TRPC6: variants seen among roughly 807,000 people sequenced by gnomAD.
TRPC6 encodes transient receptor potential cation channel subfamily C member 6.
A neutral mutation model predicts 90.7 loss-of-function variants in TRPC6; 55 were observed. The ratio of observed to expected loss-of-function variants is 0.61; its 90% CI spans 0.49 to 0.76. The LOEUF (loss-of-function observed/expected upper bound fraction) is 0.76. TRPC6 is among the 30% of genes least tolerant of loss of function. TRPC6 has a pLI of 0.00. For synonymous variants in TRPC6, 393 were observed against 393.0 expected (o/e 1.00, Z 0.00); for missense variants, 989 against 1,122.7 (o/e 0.88, Z 1.70).
chr11:101,479,096 T>TCC (rs1274949754), intron 5 of TRPC6, among the ~76,000 whole-genome samples: 3 of 152,138 alleles, frequency 2.0e-5, no homozygotes, highest in African/African-American at 7.2e-5. Context: ...AGGGTAAGCT[T>TCC]CCCCAGCCCC....
chr11:101,465,559 T>C (rs1859124043), intron 10 of TRPC6, among the ~76,000 whole-genome samples: 2 of 152,340 alleles, frequency 1.3e-5, no homozygotes, highest in Middle Eastern at 3.4e-3. Flanking sequence ...TCTGATATCC[T>C]TTCTTTGGCT....
intron 10 of TRPC6, among the ~76,000 whole-genome samples, chr11:101,458,373 TC>T (rs2136644558): frequency 6.6e-6 from 1 of 152,282 alleles, no homozygotes; most frequent in Admixed American, 6.5e-5. Context: ...CATTATAACC[TC>T]CTAAGCTCTA....
Position 101,583,745 on chromosome 11 carries a change from C to A in TRPC6, c.-242G>T. The stretch of plus-strand genomic sequence containing the variant: ...GGATCTTGACCTGAGCAGGTCAGGC[C>A]GAGGAGACCCCGCGAGGATGCGTCT... On this transcript the variant is annotated 5_prime_UTR_variant, in exon 1 of 13. Transcript: ENST00000344327. 1 of 412,952 alleles carries A rather than the reference C, an allele frequency of 2.4e-6. No individual in the cohort carries two copies. The highest frequency in any genetic ancestry group is 3.6e-5 in the East Asian group (1 of 27,462). The allele number at this position is 412,952 out of a possible 1,614,324, so 25.6% of individuals were successfully genotyped here.
chr11:101,469,058 C>T (rs1209190965), intron 10 of TRPC6, among the ~76,000 whole-genome samples: 1 of 152,164 alleles, frequency 6.6e-6, no homozygotes, highest in Non-Finnish European at 1.5e-5. Flanking sequence ...TGATTATTGA[C>T]AAATTAGGAG....
intron 1 of TRPC6, among the ~76,000 whole-genome samples, chr11:101,525,346 C>CTCTTT (rs773067075): frequency 6.6e-6 from 1 of 152,128 alleles, no homozygotes; most frequent in Non-Finnish European, 1.5e-5. Flanking sequence ...ACATAAATAC[C>CTCTTT]AACTGTGTGG....
At chr11:101,463,309 T>C (rs142308832) in intron 10 of TRPC6, among the ~76,000 whole-genome samples, 75 of 152,338 alleles carry the variant, frequency 4.9e-4, no homozygotes, top group African/African-American at 1.7e-3. Flanking sequence ...TGTAACAGGA[T>C]GATGCTGACC....
At chr11:101,509,135 TC>T (rs138038027) in intron 1 of TRPC6, among the ~76,000 whole-genome samples, 64,798 of 147,006 alleles carry the variant, frequency 0.44, 14,399 homozygotes, top group African/African-American at 0.52. Context: ...TTTGTCTTTT[TC>T]TTTTTTTTTT....
At chr11:101,548,358 T>A (rs1456404780) in intron 1 of TRPC6, among the ~76,000 whole-genome samples, 2 of 121,110 alleles carry the variant, frequency 1.7e-5, no homozygotes, top group East Asian at 6.0e-4. Flanking sequence ...ATTATATAAT[T>A]ATATCTTATA....
intron 1 of TRPC6, among the ~76,000 whole-genome samples, chr11:101,548,317 ATAAT>A (rs1861362187): frequency 7.8e-6 from 1 of 128,998 alleles, no homozygotes; most frequent in African/African-American, 2.8e-5. Context: ...AATATAATAT[ATAAT>A]TATATATAAT....
intron 1 of TRPC6, among the ~76,000 whole-genome samples, chr11:101,516,906 C>T (rs753586484): frequency 6.6e-6 from 1 of 152,252 alleles, no homozygotes; most frequent in Admixed American, 6.5e-5. Flanking sequence ...CTCACCCTCA[C>T]TGAACTCTTC....
intron 4 of TRPC6, among the ~76,000 whole-genome samples, chr11:101,484,633 G>A (rs1404861935): frequency 1.4e-5 from 2 of 143,052 alleles, no homozygotes; most frequent in African/African-American, 5.5e-5. Context: ...GTGTGTGTGT[G>A]TGTATGAGTG....
chr11:101,570,600 G>A (rs993738304), intron 1 of TRPC6, among the ~76,000 whole-genome samples: 4 of 152,194 alleles, frequency 2.6e-5, no homozygotes, highest in African/African-American at 9.6e-5. Flanking sequence ...TATCTCTGAT[G>A]AACATTGATC....
intron 1 of TRPC6, among the ~76,000 whole-genome samples, chr11:101,562,941 G>A (rs1009151893): frequency 6.6e-6 from 1 of 152,092 alleles, no homozygotes; most frequent in African/African-American, 2.4e-5. Flanking sequence ...CGTGTAAAAC[G>A]CTTAGCATCA....
At chr11:101,456,338 G>A (rs1591519871) in intron 10 of TRPC6, among the ~76,000 whole-genome samples, 2 of 152,140 alleles carry the variant, frequency 1.3e-5, no homozygotes, top group East Asian at 3.8e-4. Context: ...ATGAATTTGT[G>A]AAATGCATAA....
At chr11:101,525,396 C>T (rs1395687992) in intron 1 of TRPC6, among the ~76,000 whole-genome samples, 2 of 152,168 alleles carry the variant, frequency 1.3e-5, no homozygotes, top group African/African-American at 4.8e-5. Context: ...AAATAACCGA[C>T]AGCAAAGATG....
At chr11:101,557,632 A>C (rs937200756) in intron 1 of TRPC6, among the ~76,000 whole-genome samples, 29 of 152,038 alleles carry the variant, frequency 1.9e-4, no homozygotes, top group African/African-American at 2.9e-4. Flanking sequence ...ACACACACAA[A>C]AAAAAACCTG....
At chr11:101,486,919 G>A (rs979457231) in intron 4 of TRPC6, among the ~76,000 whole-genome samples, 1 of 152,064 alleles carries the variant, frequency 6.6e-6, no homozygotes, top group African/African-American at 2.4e-5. Context: ...GATAAAAACA[G>A]TAAAATAGGT....
chr11:101,518,268 G>A (rs181472306), intron 1 of TRPC6, among the ~76,000 whole-genome samples: 7 of 152,084 alleles, frequency 4.6e-5, no homozygotes, highest in African/African-American at 1.2e-4. Context: ...CCACAGAATC[G>A]AAGAAAATAT....
chr11:101,453,023 C>T lies in TRPC6; in HGVS notation c.2728G>A (p.Ala910Thr). ...TCTCCAAGTTCTCTAATAAGTTCTG[C>T]TAGGTCTTCTGTATTCTGAGATTTT... is the stretch of plus-strand genomic sequence containing the variant. ...EEKSQNTEDL[A>T]ELIRELGEKL... The change falls in exon 13 of 13, where the codon GCA becomes ACA. Residue 910 changes from alanine to threonine, a missense_variant. Ala to Thr is a moderately conservative substitution (Grantham distance 58). Transcript: ENST00000344327. 6.2e-7 allele frequency: 1 copy of T among 1,613,892 alleles called. No homozygotes were observed. Among genetic ancestry groups the T allele is most frequent in the Non-Finnish European group, 8.5e-7 (1 of 1,179,862 alleles).
Sources: allele counts gnomAD v4.1 joint callset (sites outside exome capture counted in the v4.1 genomes callset), GRCh38; gene constraint gnomAD v4.1.1; transcripts MANE v1.5; gene names NCBI Gene and HGNC (gene_info 2026-07-23, HGNC 2026-07-21).